PELI2: variants seen among roughly 807,000 people sequenced by gnomAD.
PELI2 encodes pellino E3 ubiquitin protein ligase family member 2.
Under a neutral mutation model 42.3 loss-of-function variants are expected in PELI2, and 23 were observed. That is an observed-to-expected ratio of 0.54 (90% CI 0.39 to 0.77). PELI2 has a LOEUF of 0.77. Among genes scored for constraint, PELI2 ranks in the 30% least tolerant of loss-of-function variants. PELI2 has a pLI of 0.00. For missense variants in PELI2, 463 were observed against 553.2 expected (o/e 0.84, Z 1.64); for synonymous variants, 245 against 212.2 (o/e 1.15, Z -1.34).
At chr14:56,266,151 A>G (rs1281043777) in intron 2 of PELI2, among the ~76,000 whole-genome samples, 1 of 152,100 alleles carries the variant, frequency 6.6e-6, no homozygotes, top group African/African-American at 2.4e-5. Context: ...AGCCAAAATC[A>G]TAGAAATACT....
intron 2 of PELI2, among the ~76,000 whole-genome samples, chr14:56,261,577 A>G (rs1435804187): frequency 2.0e-5 from 3 of 152,222 alleles, no homozygotes; most frequent in African/African-American, 7.2e-5. Context: ...TTGTAAAGGA[A>G]CAAAGAAAAG....
At chr14:56,212,477 G>A (rs560866905) in intron 2 of PELI2, among the ~76,000 whole-genome samples, 1 of 152,140 alleles carries the variant, frequency 6.6e-6, no homozygotes, top group South Asian at 2.1e-4. Flanking sequence ...CCCTGGGATT[G>A]GGGGGAGAGA....
At chr14:56,154,544 C>T (rs556151107) in intron 1 of PELI2, among the ~76,000 whole-genome samples, 26 of 152,320 alleles carry the variant, frequency 1.7e-4, no homozygotes, top group East Asian at 1.2e-3. Flanking sequence ...CCTTCAGCAA[C>T]GATCGTTAGT....
chr14:56,125,684 C>A (rs1883230328), intron 1 of PELI2, among the ~76,000 whole-genome samples: 1 of 152,104 alleles, frequency 6.6e-6, no homozygotes, highest in Admixed American at 6.5e-5. Context: ...TAAACAAATA[C>A]AAGGGCAGAT....
intron 1 of PELI2, among the ~76,000 whole-genome samples, chr14:56,167,357 GT>G (rs1186696212): frequency 2.0e-5 from 3 of 151,640 alleles, no homozygotes; most frequent in Non-Finnish European, 4.4e-5. Context: ...TGCTTTTTTT[GT>G]TTTTTATTCT....
intron 2 of PELI2, among the ~76,000 whole-genome samples, chr14:56,232,320 A>T (rs551390205): frequency 6.6e-6 from 1 of 152,286 alleles, no homozygotes; most frequent in Admixed American, 6.5e-5. Flanking sequence ...AGAGAATTTT[A>T]GACCAATATC....
intron 1 of PELI2, among the ~76,000 whole-genome samples, chr14:56,155,439 C>T (rs1566609955): frequency 6.6e-6 from 1 of 152,020 alleles, no homozygotes; most frequent in Admixed American, 6.6e-5. Context: ...TTCAGTTTCC[C>T]TAGCACAATC....
chr14:56,161,475 A>G (rs927661627), intron 1 of PELI2, among the ~76,000 whole-genome samples: 2 of 152,020 alleles, frequency 1.3e-5, no homozygotes, highest in Non-Finnish European at 1.5e-5. Flanking sequence ...GAGTTTCACC[A>G]TGTTGGTCAG....
chr14:56,196,282 A>G (rs1886128037), intron 2 of PELI2, among the ~76,000 whole-genome samples: 2 of 152,144 alleles, frequency 1.3e-5, no homozygotes, highest in African/African-American at 4.8e-5. Context: ...TTTCGGTGAA[A>G]TTGTGAACCC....
chr14:56,279,351 C>A (rs1262220579), intron 2 of PELI2, among the ~76,000 whole-genome samples: 2 of 152,134 alleles, frequency 1.3e-5, no homozygotes, highest in Non-Finnish European at 2.9e-5. Context: ...TCTAAAAATT[C>A]TATTTCTGAG....
intron 1 of PELI2, among the ~76,000 whole-genome samples, chr14:56,132,033 A>G (rs573363833): frequency 1.3e-5 from 2 of 152,236 alleles, no homozygotes; most frequent in African/African-American, 4.8e-5. Flanking sequence ...CTAATTATAA[A>G]TTAGTAAATT....
chr14:56,147,593 A>T (rs1437550355), intron 1 of PELI2, among the ~76,000 whole-genome samples: 2 of 152,214 alleles, frequency 1.3e-5, no homozygotes, highest in Admixed American at 1.3e-4. Flanking sequence ...TGTTTATATT[A>T]ATTCTTTTTA....
rs371312061 is a variant in PELI2 at position 56,296,971 on chromosome 14, T to C, written c.1068T>C (p.Tyr356=). Residue 356 remains tyrosine, a synonymous_variant, in exon 6 of 6, where the codon TAT becomes TAC. Coordinates refer to ENST00000267460, the MANE Select transcript of PELI2 (RefSeq NM_021255.3). ...GGCTTGGCTGTGAGGCAGGATTTTA[T>C]GTAGACGCAGGACCGCCAACTCATG... ...PLWLGCEAGF[Y]VDAGPPTHAF... 6.2e-6 allele frequency: 10 copies of C among 1,613,998 alleles called. No individual in the cohort carries two copies. The African/African-American group carries it at 8.0e-5, about 13-fold the overall frequency.
chr14:56,286,546 AT>A (rs1295677907), intron 3 of PELI2, among the ~76,000 whole-genome samples: 1 of 152,232 alleles, frequency 6.6e-6, no homozygotes, highest in African/African-American at 2.4e-5. Flanking sequence ...TGACTATCAC[AT>A]GAAATTCAGA....
intron 1 of PELI2, among the ~76,000 whole-genome samples, chr14:56,163,762 A>G (rs967611840): frequency 3.9e-5 from 6 of 151,908 alleles, no homozygotes; most frequent in African/African-American, 1.2e-4. Context: ...AGTTTTCATT[A>G]TAGAGATCTT....
chr14:56,282,766 T>C lies in PELI2; in HGVS notation c.309+2989T>C, dbSNP rs1420290341. On this transcript the variant is annotated intron_variant, in intron 3 of 5. Transcript: ENST00000267460. Reference sequence around the variant, plus strand: ...TCTTCTTATTCTGTTAAGGAAAATATCTTCCTACATAAGTATATGTATATT... The same window carrying C: ...TCTTCTTATTCTGTTAAGGAAAATACCTTCCTACATAAGTATATGTATATT... 5.3e-5 allele frequency among the ~76,000 whole-genome samples: 8 copies of C among 152,238 alleles called. No homozygotes were observed. In the East Asian group the frequency reaches 9.6e-4, roughly 18 times the overall value.
At chr14:56,151,516 A>G (rs1230532160) in intron 1 of PELI2, among the ~76,000 whole-genome samples, 2 of 152,130 alleles carry the variant, frequency 1.3e-5, no homozygotes, top group East Asian at 1.9e-4. Flanking sequence ...TACCTCAACC[A>G]TTAGAATGTA....
intron 1 of PELI2, among the ~76,000 whole-genome samples, chr14:56,127,394 C>T (rs896895035): frequency 2.6e-5 from 4 of 152,166 alleles, no homozygotes; most frequent in African/African-American, 7.2e-5. Flanking sequence ...AATGTTTTAA[C>T]ACTGCATTTG....
intron 2 of PELI2, among the ~76,000 whole-genome samples, chr14:56,248,373 T>C (rs910017402): frequency 2.0e-4 from 30 of 147,350 alleles, no homozygotes; most frequent in South Asian, 6.3e-4. Context: ...CATTATTCCT[T>C]TTTTTTTTTA....
Sources: gnomAD v4.1 joint callset for allele counts (sites outside exome capture counted in the v4.1 genomes callset) on GRCh38, gnomAD v4.1.1 for gene constraint, MANE v1.5 for transcripts, NCBI Gene and HGNC (gene_info 2026-07-23, HGNC 2026-07-21) for gene names.